The following AAK1 variants were observed in gnomAD, a reference collection of about 807,000 sequenced individuals.
AAK1 encodes the protein AP2 associated kinase 1, also known as AP2-associated protein kinase 1.
AAK1 carries 37 observed loss-of-function variants against 116.0 expected under a neutral mutation model. The observed-to-expected ratio is 0.32, with a 90% CI of 0.25 to 0.42. The LOEUF is 0.42. Ranked by LOEUF, AAK1 falls within the 10% of genes least tolerant of loss-of-function variation. AAK1 has a pLI of 1.00. For synonymous variants in AAK1, 458 were observed against 439.9 expected, an observed-to-expected ratio of 1.04 and a Z score of -0.51; for missense variants, 919 against 1,170.6, an observed-to-expected ratio of 0.79 and a Z score of 3.14.
chr2:69,620,065 C>A (rs1573014145), intron 2 of AAK1, among the ~76,000 whole-genome samples: 1 of 152,264 alleles, frequency 6.6e-6, no homozygotes, highest in African/African-American at 2.4e-5. Context: ...TGAGGAGGCT[C>A]AGGCAGCAGT....
At chr2:69,476,500 A>G (rs1226844841) in intron 21 of AAK1, among the ~76,000 whole-genome samples, 1 of 152,262 alleles carries the variant, frequency 6.6e-6, no homozygotes, top group Non-Finnish European at 1.5e-5. Context: ...AAAGATGTGA[A>G]TGATACCAAA....
chr2:69,530,577 G>T, intron 7 of AAK1, 48 bp downstream of exon 7: 1 of 1,502,994 alleles, frequency 6.7e-7, no homozygotes, highest in Non-Finnish European at 9.3e-7. Flanking sequence ...GGAATTCACA[G>T]TCAAGACTGC....
rs1673377601 is a variant in AAK1, at chr2:69,598,019, G to A, written c.164-41041C>T. On this transcript the variant is annotated intron_variant, in intron 2 of 21. Coordinates refer to ENST00000409085, the MANE Select transcript of AAK1 (RefSeq NM_014911.5). Reference sequence around the variant, plus strand: ...AGATTCTTACGTTATGTCTGAAAGGGAAGACAAAATGTTAGCACTGTGCTT... The same window carrying A: ...AGATTCTTACGTTATGTCTGAAAGGAAAGACAAAATGTTAGCACTGTGCTT... The A allele has an allele frequency of 1.3e-5, 5 of 380,242 alleles. No individual in the cohort carries two copies. In the South Asian group the frequency reaches 6.6e-4, roughly 50 times the overall value. The allele number at this position is 380,242 out of a possible 1,614,324, so 23.6% of individuals were successfully genotyped here.
chr2:69,522,083 G>T (rs1207081869), intron 10 of AAK1, among the ~76,000 whole-genome samples: 1 of 152,236 alleles, frequency 6.6e-6, no homozygotes, highest in East Asian at 1.9e-4. Context: ...TCCCTGTGAG[G>T]GGTGCAGAAG....
chr2:69,584,006 C>A (rs2105149774), intron 2 of AAK1, among the ~76,000 whole-genome samples: 1 of 152,330 alleles, frequency 6.6e-6, no homozygotes, highest in South Asian at 2.1e-4. Context: ...GACCACCCTT[C>A]CCTAATAAGG....
At chr2:69,637,394 A>G (rs541870916) in intron 2 of AAK1, among the ~76,000 whole-genome samples, 2 of 152,296 alleles carry the variant, frequency 1.3e-5, no homozygotes, top group African/African-American at 4.8e-5. Flanking sequence ...TGTCTCATTT[A>G]TCTCCGCATG....
chr2:69,559,581 C>A (rs967640217), intron 2 of AAK1, among the ~76,000 whole-genome samples: 1 of 152,144 alleles, frequency 6.6e-6, no homozygotes, highest in Non-Finnish European at 1.5e-5. Context: ...TAAAAAATCA[C>A]GGAACTACAG....
intron 4 of AAK1, among the ~76,000 whole-genome samples, chr2:69,543,940 A>G (rs1670826157): frequency 6.6e-6 from 1 of 152,232 alleles, no homozygotes; most frequent in South Asian, 2.1e-4. Context: ...GCATCATTTG[A>G]ATATAGCCTC....
At chr2:69,628,576 T>G (rs1207090060) in intron 2 of AAK1, among the ~76,000 whole-genome samples, 1 of 152,182 alleles carries the variant, frequency 6.6e-6, no homozygotes, top group Non-Finnish European at 1.5e-5. Context: ...GAAGCAGGAT[T>G]TGATGGTAGA....
chr2:69,521,003 G>A lies in AAK1; in HGVS notation c.1056-15C>T. 1.2e-6 allele frequency: 2 copies of A among 1,613,710 alleles called. No homozygotes were observed. The highest frequency in any genetic ancestry group is 1.7e-6 in the Non-Finnish European group (2 of 1,179,664). The stretch of plus-strand genomic sequence containing the variant: ...GATCTGTCAGTCTAGAAAGGGAAAA[G>A]AGAAAGGTTCATATTAAAGTATGGG... On this transcript the variant is annotated splice_polypyrimidine_tract_variant and intron_variant, in intron 10 of 21. Transcript: ENST00000409085.
Position 69,626,564 on chromosome 2 carries a change from ATCACAGC to A in AAK1, c.163+16307_163+16313del, listed in dbSNP as rs1674910058. On this transcript the variant is annotated intron_variant, in intron 2 of 21. Coordinates refer to ENST00000409085, the MANE Select transcript of AAK1 (RefSeq NM_014911.5). ...TCCCAGCCTGGAGTGAGGTGGCGCG[ATCACAGC>A]TCACTGTAGCTTCAACCTCCCAGGC... Among the ~76,000 whole-genome samples, 3 of 151,364 alleles carry A rather than the reference ATCACAGC, an allele frequency of 2.0e-5. No individual in the cohort carries two copies. In the South Asian group the frequency reaches 6.3e-4, roughly 32 times the overall value.
intron 2 of AAK1, among the ~76,000 whole-genome samples, chr2:69,578,244 A>G (rs1212163331): frequency 6.6e-6 from 1 of 152,230 alleles, no homozygotes; most frequent in Non-Finnish European, 1.5e-5. Context: ...TCAGTGAAAT[A>G]TAGAATAGAA....
In AAK1 at chr2:69,461,594, A is replaced by AT; in HGVS notation, c.*14274_*14275insA. 7.0e-6 allele frequency: 3 copies of AT among 426,110 alleles called. No individual in the cohort carries two copies. Among genetic ancestry groups the AT allele is most frequent in the Admixed American group, 2.6e-5 (1 of 39,182 alleles). 26.4% of individuals were successfully genotyped at this position (426,110 alleles called of 1,614,324 possible). ...CTCCACCCATCATGTCTCCAGTGACAATTTTTTTTTTTTTTTTGAGGCGGA... is the reference window on the plus strand; with the variant it reads ...CTCCACCCATCATGTCTCCAGTGACATATTTTTTTTTTTTTTTTGAGGCGGA... On this transcript the variant is annotated 3_prime_UTR_variant, in exon 22 of 22. Coordinates refer to ENST00000409085, the MANE Select transcript of AAK1 (RefSeq NM_014911.5).
chr2:69,541,227 CTTTTTT>C (rs545915571), intron 5 of AAK1, among the ~76,000 whole-genome samples: 10 of 125,292 alleles, frequency 8.0e-5, no homozygotes, highest in Admixed American at 7.2e-4. Context: ...TTTTATACTT[CTTTTTT>C]TTTTTTTTTT....
intron 2 of AAK1, among the ~76,000 whole-genome samples, chr2:69,595,863 C>T (rs1049704743): frequency 3.3e-5 from 5 of 152,200 alleles, no homozygotes; most frequent in Non-Finnish European, 7.3e-5. Flanking sequence ...CAGGCTGATG[C>T]TCCTGTTAGG....
At chr2:69,588,804 T>C (rs1459163711) in intron 2 of AAK1, among the ~76,000 whole-genome samples, 1 of 152,200 alleles carries the variant, frequency 6.6e-6, no homozygotes, top group African/African-American at 2.4e-5. Flanking sequence ...ATGTGATCTG[T>C]GGATCAAGGT....
At position 69,475,177 on chromosome 2, in the gene AAK1, T is replaced by G; in HGVS notation, c.*692A>C. On this transcript the variant is annotated 3_prime_UTR_variant, in exon 22 of 22. Coordinates refer to ENST00000409085, the MANE Select transcript of AAK1 (RefSeq NM_014911.5). ...CCAGATCTGAGAAATCACGGTTCAATGGAAGCCAGAAAGCTGGACGAATGC... is the reference window on the plus strand; with the variant it reads ...CCAGATCTGAGAAATCACGGTTCAAGGGAAGCCAGAAAGCTGGACGAATGC... The G allele has an allele frequency of 1.0e-6, 1 of 985,920 alleles. No homozygotes were observed. The highest frequency in any genetic ancestry group is 1.2e-6 in the Non-Finnish European group (1 of 829,970). The allele number at this position is 985,920 out of a possible 1,614,324, so 61.1% of individuals were successfully genotyped here. A position where few individuals can be genotyped will look rare whatever the true frequency, so the allele number is the denominator to read the frequency against.
At chr2:69,544,044 G>A (rs1433428117) in intron 4 of AAK1, among the ~76,000 whole-genome samples, 3 of 152,126 alleles carry the variant, frequency 2.0e-5, no homozygotes, top group Non-Finnish European at 4.4e-5. Context: ...ATGAATGATG[G>A]CATGAGTGGG....
chr2:69,469,929 G>C lies in AAK1; in HGVS notation c.*5940C>G, dbSNP rs1674620136. 2 of 985,422 alleles carry C rather than the reference G, an allele frequency of 2.0e-6. No individual in the cohort carries two copies. The highest frequency in any genetic ancestry group is 2.4e-6 in the Non-Finnish European group (2 of 829,940). 61.0% of individuals were successfully genotyped at this position (985,422 alleles called of 1,614,324 possible). On this transcript the variant is annotated 3_prime_UTR_variant, in exon 22 of 22. Coordinates refer to ENST00000409085, the MANE Select transcript of AAK1 (RefSeq NM_014911.5). ...AAGAACTCACATGCTTCAGGGAAGA[G>C]AAGGAGTTCCTAAAATACCTGACAA...
Sources: gnomAD v4.1 joint callset for allele counts (sites outside exome capture counted in the v4.1 genomes callset) on GRCh38, gnomAD v4.1.1 for gene constraint, MANE v1.5 for transcripts, NCBI Gene and HGNC (gene_info 2026-07-23, HGNC 2026-07-21) for gene names.